The following NELL2 variants were observed in gnomAD, a reference collection of about 807,000 sequenced individuals.
The protein encoded by NELL2 is protein kinase C-binding protein NELL2.
Under a neutral mutation model 109.6 loss-of-function variants are expected in NELL2, and 41 were observed. That is an observed-to-expected ratio of 0.37 (90% CI 0.29 to 0.49). The LOEUF is 0.49. Ranked by LOEUF, NELL2 falls within the 20% of genes least tolerant of loss-of-function variation. NELL2 has a pLI of 0.98. For synonymous variants in NELL2, 355 were observed against 344.7 expected (o/e 1.03, Z -0.33); for missense variants, 900 against 1,008.3 (o/e 0.89, Z 1.45).
chr12:44,532,758 C>T (rs759396570), intron 15 of NELL2, 37 bp from the exon 16 acceptor site: 33 of 1,584,552 alleles, frequency 2.1e-5, no homozygotes, highest in Non-Finnish European at 2.8e-5. Context: ...AATTATTTAT[C>T]TTCTTTGAAA....
intron 13 of NELL2, among the ~76,000 whole-genome samples, chr12:44,640,002 T>C (rs1414545909): frequency 2.6e-5 from 4 of 152,186 alleles, no homozygotes; most frequent in Admixed American, 2.0e-4. Flanking sequence ...CCTTAGTATA[T>C]ACCTGGCTGT....
chr12:44,918,043 C>A (rs1281286191), upstream of NELL2, among the ~76,000 whole-genome samples: 1 of 152,224 alleles, frequency 6.6e-6, no homozygotes, highest in Non-Finnish European at 1.5e-5. Context: ...AAATAATGTT[C>A]ATTTTCCTGG....
At chr12:44,667,365 G>T (rs1002670096) in intron 12 of NELL2, among the ~76,000 whole-genome samples, 2 of 152,064 alleles carry the variant, frequency 1.3e-5, no homozygotes, top group Middle Eastern at 3.2e-3. Context: ...TAATACAGGG[G>T]TCAGGAAAAT....
At chr12:44,862,636 C>A (rs952161174) in intron 2 of NELL2, among the ~76,000 whole-genome samples, 1 of 152,136 alleles carries the variant, frequency 6.6e-6, no homozygotes, top group South Asian at 2.1e-4. Context: ...TGAGTGCTGA[C>A]AGTGAGCTGC....
intron 2 of NELL2, among the ~76,000 whole-genome samples, chr12:44,847,821 C>T (rs1004873392): frequency 1.3e-5 from 2 of 151,376 alleles, no homozygotes; most frequent in African/African-American, 2.4e-5. Context: ...CACTTGAGGC[C>T]GGGAGTTCAA....
rs184665337 is a variant in NELL2, at chr12:44,900,094, G to T, written c.38+13705C>A. ...AAACATATATGCACTCAACACAGGA[G>T]CACCCAAATTTGTAAAGCAAGTTCT... is the stretch of plus-strand genomic sequence containing the variant. On this transcript the variant is annotated intron_variant, in intron 1 of 20. Transcript: ENST00000333837. Among the ~76,000 whole-genome samples, 64 of 152,222 alleles carry T rather than the reference G, an allele frequency of 4.2e-4. 2 individuals carry two copies. The highest frequency in any genetic ancestry group is 4.2e-3 in the Admixed American group (64 of 15,282).
chr12:44,578,086 G>C (rs1389692220), intron 15 of NELL2, among the ~76,000 whole-genome samples: 1 of 152,046 alleles, frequency 6.6e-6, no homozygotes, highest in Non-Finnish European at 1.5e-5. Flanking sequence ...CTTAAATGTA[G>C]TTCAGTAAGT....
intron 13 of NELL2, among the ~76,000 whole-genome samples, chr12:44,631,256 TAAAC>T (rs941053555): frequency 8.1e-5 from 12 of 148,028 alleles, no homozygotes; most frequent in Non-Finnish European, 1.6e-4. Flanking sequence ...TAAATATATA[TAAAC>T]ATTATTTTAG....
Position 44,554,816 on chromosome 12 carries a change from G to A in NELL2, c.1664-22095C>T, listed in dbSNP as rs74087606. ...CAGAATTAGCCTTCAGTTACAGGAAGTGGGAGAATTGAGGAGGGAGAGTTG... is the reference window on the plus strand; with the variant it reads ...CAGAATTAGCCTTCAGTTACAGGAAATGGGAGAATTGAGGAGGGAGAGTTG... On this transcript the variant is annotated intron_variant, in intron 15 of 19. Coordinates refer to ENST00000429094, the MANE Select transcript of NELL2 (RefSeq NM_001145108.2). Among the ~76,000 whole-genome samples, 980 of 152,326 alleles carry A rather than the reference G, an allele frequency of 6.4e-3. 16 individuals are homozygous for A. Among genetic ancestry groups the A allele is most frequent in the African/African-American group, 0.022 (929 of 41,560 alleles).
chr12:44,603,693 G>A (rs538907446), intron 15 of NELL2, among the ~76,000 whole-genome samples: 5 of 152,116 alleles, frequency 3.3e-5, no homozygotes, highest in East Asian at 1.9e-4. Context: ...AATTAATTTC[G>A]CTCAGTAAAA....
intron 13 of NELL2, among the ~76,000 whole-genome samples, chr12:44,634,648 T>C (rs543897667): frequency 6.6e-6 from 1 of 152,346 alleles, no homozygotes; most frequent in South Asian, 2.1e-4. Context: ...TGTATGTGTC[T>C]TTATATTAGA....
intron 13 of NELL2, among the ~76,000 whole-genome samples, chr12:44,664,363 T>C (rs1469042217): frequency 6.6e-6 from 1 of 152,116 alleles, no homozygotes. Flanking sequence ...TTATTTTCCA[T>C]AAATCGGGAA....
chr12:44,789,065 A>T (rs1357308356), intron 3 of NELL2, among the ~76,000 whole-genome samples: 1 of 151,180 alleles, frequency 6.6e-6, no homozygotes, highest in Admixed American at 6.6e-5. Flanking sequence ...TTCCCTACTC[A>T]CCCTGGTAGC....
chr12:44,785,404 C>T (rs1396495286), intron 3 of NELL2, among the ~76,000 whole-genome samples: 1 of 152,142 alleles, frequency 6.6e-6, no homozygotes, highest in Non-Finnish European at 1.5e-5. Context: ...GAAAAACATT[C>T]ATGCTCATGG....
intron 12 of NELL2, among the ~76,000 whole-genome samples, chr12:44,703,311 T>C (rs760686594): frequency 4.6e-5 from 7 of 152,294 alleles, no homozygotes; most frequent in Middle Eastern, 3.4e-3. Flanking sequence ...AGATTACTTA[T>C]AGTAGCAAAC....
chr12:44,829,253 T>C lies in NELL2; in HGVS notation c.185-13117A>G, dbSNP rs145832432. Among the ~76,000 whole-genome samples the C allele has an allele frequency of 8.2e-3, 1,249 of 152,278 alleles. 16 individuals carry two copies. Among genetic ancestry groups the C allele is most frequent in the African/African-American group, 0.028 (1,167 of 41,562 alleles). ...ATGAAGATGAAGATGATGATGATGA[T>C]GTCATTCACAACTTTAATAGCCTGA... On this transcript the variant is annotated intron_variant, in intron 2 of 19. Coordinates refer to ENST00000429094, the MANE Select transcript of NELL2 (RefSeq NM_001145108.2).
At chr12:44,907,653 G>T (rs531857477) in intron 1 of NELL2, among the ~76,000 whole-genome samples, 2 of 152,206 alleles carry the variant, frequency 1.3e-5, no homozygotes, top group South Asian at 4.1e-4. Context: ...AAGGGAAGGA[G>T]AGAAGTACAA....
chr12:44,908,575 C>G (rs1945745896), intron 1 of NELL2, among the ~76,000 whole-genome samples: 1 of 151,798 alleles, frequency 6.6e-6, no homozygotes, highest in Admixed American at 6.6e-5. Flanking sequence ...AATCAAGTGG[C>G]TACAGTAGTA....
chr12:44,903,080 GCAAAATAAA>G (rs1288917089), intron 1 of NELL2, among the ~76,000 whole-genome samples: 2 of 152,124 alleles, frequency 1.3e-5, no homozygotes, highest in Non-Finnish European at 2.9e-5. Context: ...CTTCTGCACA[GCAAAATAAA>G]CTATCATCAG....
Sources: gnomAD v4.1 joint callset for allele counts (sites outside exome capture counted in the v4.1 genomes callset) on GRCh38, gnomAD v4.1.1 for gene constraint, MANE v1.5 for transcripts, NCBI Gene and HGNC (gene_info 2026-07-23, HGNC 2026-07-21) for gene names.